Variants in NNMT observed in about 807,000 individuals in gnomAD.
NNMT encodes the protein nicotinamide N-methyltransferase.
A neutral mutation model predicts 11.7 loss-of-function variants in NNMT; 10 were observed. That is an observed-to-expected ratio of 0.85 (90% confidence interval 0.53 to 1.45). The LOEUF (loss-of-function observed/expected upper bound fraction) is 1.45, where lower values mean the gene tolerates loss of function less well. Among genes scored for constraint, NNMT ranks in the 40% most tolerant of loss-of-function variants. The pLI is 0.00. For synonymous variants in NNMT, 143 were observed against 133.8 expected (o/e 1.07, Z -0.48); for missense variants, 381 against 319.4 (o/e 1.19, Z -1.47).
intron 2 of NNMT, among the ~76,000 whole-genome samples, chr11:114,310,453 C>G (rs1301250209): frequency 6.6e-6 from 1 of 152,216 alleles, no homozygotes; most frequent in Non-Finnish European, 1.5e-5. Context: ...ATTATATTCG[C>G]TAGGATTAAG....
intron 2 of NNMT, among the ~76,000 whole-genome samples, chr11:114,275,749 G>A (rs146602945): frequency 1.7e-4 from 26 of 152,278 alleles, no homozygotes; most frequent in African/African-American, 6.0e-4. Flanking sequence ...TGAGTGTATA[G>A]GGGTTATGGT....
At position 114,288,502 on chromosome 11, in the gene NNMT, T is replaced by C. The variant is rs1312197717; in HGVS notation, c.-129-7926T>C. On this transcript the variant is annotated intron_variant, in intron 2 of 4. Transcript: ENST00000535401. ...AGATATTTTTCCTTTAACATGTACA[T>C]GTGATGATTTGTATTAATTGAATTT... Among the ~76,000 whole-genome samples the C allele has an allele frequency of 3.3e-5, 5 of 152,206 alleles. No individual in the cohort carries two copies. In the East Asian group the frequency reaches 9.6e-4, roughly 29 times the overall value.
rs538566866 is a variant in NNMT, at chr11:114,308,036, G to T, written c.363-4009G>T. Among the ~76,000 whole-genome samples, 113 of 152,150 alleles carry T rather than the reference G, an allele frequency of 7.4e-4. 1 individual carries two copies. In the East Asian group the frequency reaches 8.3e-3, roughly 11 times the overall value. ...TACAATCTCCATGAGGTTAGAATCT[G>T]TTTCTCATTTGTTCATCCTTGTGTC... On this transcript the variant is annotated intron_variant, in intron 2 of 2. Coordinates refer to ENST00000299964, the MANE Select transcript of NNMT (RefSeq NM_006169.3).
intron 2 of NNMT, among the ~76,000 whole-genome samples, chr11:114,304,222 C>A (rs190852682): frequency 6.6e-6 from 1 of 152,142 alleles, no homozygotes; most frequent in Non-Finnish European, 1.5e-5. Context: ...GACAACACAC[C>A]TTGCCAAAGT....
intron 2 of NNMT, among the ~76,000 whole-genome samples, chr11:114,265,750 GC>G (rs1945115061): frequency 6.6e-6 from 1 of 152,108 alleles, no homozygotes; most frequent in Admixed American, 6.5e-5. Flanking sequence ...ATAGCCTTTG[GC>G]TGTATTTGCT....
chr11:114,274,764 A>ATG (rs1945202314), intron 2 of NNMT, among the ~76,000 whole-genome samples: 5 of 152,238 alleles, frequency 3.3e-5, no homozygotes. Context: ...CATATGCATA[A>ATG]CAGGCAGGAT....
At chr11:114,291,618 T>A (rs758143384), upstream of NNMT, among the ~76,000 whole-genome samples, 9 of 152,298 alleles carry the variant, frequency 5.9e-5, no homozygotes, top group Middle Eastern at 3.4e-3. Flanking sequence ...ACGGCTCATC[T>A]CTGCGGTGGC....
Position 114,280,201 on chromosome 11 carries a change from G to T in NNMT, c.-129-16227G>T, listed in dbSNP as rs143737935. Among the ~76,000 whole-genome samples, 587 of 152,252 alleles carry T rather than the reference G, an allele frequency of 3.9e-3. 18 individuals are homozygous for T. Among genetic ancestry groups the T allele is most frequent in the Non-Finnish European group, 1.3e-3 (86 of 68,004 alleles). ...GACAATGAGAAAATAAACAAATAAA[G>T]ATGAGGACATGATTTTCAGAATGGG... On this transcript the variant is annotated intron_variant, in intron 2 of 4. Transcript: ENST00000535401.
At chr11:114,275,744 G>A (rs1356838238) in intron 2 of NNMT, among the ~76,000 whole-genome samples, 1 of 152,126 alleles carries the variant, frequency 6.6e-6, no homozygotes, top group African/African-American at 2.4e-5. Flanking sequence ...TCTTGTGAGT[G>A]TATAGGGGTT....
intron 2 of NNMT, among the ~76,000 whole-genome samples, chr11:114,264,189 C>G (rs1307297947): frequency 2.6e-5 from 4 of 151,916 alleles, no homozygotes; most frequent in Non-Finnish European, 5.9e-5. Flanking sequence ...GCATAGAACA[C>G]CTCCCATTTT....
upstream of NNMT, among the ~76,000 whole-genome samples, chr11:114,293,454 C>T (rs1390700223): frequency 6.6e-6 from 1 of 152,038 alleles, no homozygotes; most frequent in Non-Finnish European, 1.5e-5. Context: ...TGCACTCCAA[C>T]CAACAGTGTA....
chr11:114,279,232 A>G (rs1316551310), intron 2 of NNMT, among the ~76,000 whole-genome samples: 2 of 152,136 alleles, frequency 1.3e-5, no homozygotes, highest in African/African-American at 4.8e-5. Flanking sequence ...AAGAGCTTAC[A>G]ATTCACTGAA....
intron 2 of NNMT, among the ~76,000 whole-genome samples, chr11:114,273,188 G>C (rs1945185006): frequency 6.6e-6 from 1 of 152,188 alleles, no homozygotes; most frequent in African/African-American, 2.4e-5. Context: ...AAGATTTCCA[G>C]GTGCTCTGCC....
chr11:114,278,370 G>T (rs575492826), intron 2 of NNMT, among the ~76,000 whole-genome samples: 1 of 152,218 alleles, frequency 6.6e-6, no homozygotes, highest in South Asian at 2.1e-4. Context: ...CTACTACCAG[G>T]TCCCACCTCC....
upstream of NNMT, among the ~76,000 whole-genome samples, chr11:114,292,234 G>A (rs1401564609): frequency 6.6e-6 from 1 of 152,126 alleles, no homozygotes; most frequent in Non-Finnish European, 1.5e-5. Flanking sequence ...ATATCAGCAT[G>A]TTTAGCTTTT....
chr11:114,264,336 G>C (rs1463292887), intron 2 of NNMT, among the ~76,000 whole-genome samples: 3 of 152,004 alleles, frequency 2.0e-5, no homozygotes, highest in Admixed American at 2.0e-4. Context: ...TCCAATTTGA[G>C]TTTTATCTCT....
chr11:114,272,066 G>T (rs1323540426), intron 2 of NNMT, among the ~76,000 whole-genome samples: 1 of 152,146 alleles, frequency 6.6e-6, no homozygotes, highest in Non-Finnish European at 1.5e-5. Context: ...TAAATGTCTA[G>T]AGGTGGAGCT....
chr11:114,292,811 G>A (rs962215393), upstream of NNMT, among the ~76,000 whole-genome samples: 3 of 151,840 alleles, frequency 2.0e-5, no homozygotes, highest in Admixed American at 2.0e-4. Flanking sequence ...TGGAGTGAGG[G>A]GAAATGGGTA....
At chr11:114,272,196 C>T (rs183081580) in intron 2 of NNMT, among the ~76,000 whole-genome samples, 1 of 152,164 alleles carries the variant, frequency 6.6e-6, no homozygotes, top group Non-Finnish European at 1.5e-5. Flanking sequence ...ACCCACAGCA[C>T]CTGACATCTT....
Sources: gnomAD v4.1 joint callset for allele counts (sites outside exome capture counted in the v4.1 genomes callset) on GRCh38, gnomAD v4.1.1 for gene constraint, MANE v1.5 for transcripts, NCBI Gene and HGNC (gene_info 2026-07-23, HGNC 2026-07-21) for gene names.